The following CNEP1R1 variants were observed in gnomAD, a reference collection of about 807,000 sequenced individuals.
The protein encoded by CNEP1R1 is nuclear envelope phosphatase-regulatory subunit 1.
CNEP1R1 carries 10 observed loss-of-function variants against 22.7 expected under a neutral mutation model. The ratio of observed to expected loss-of-function variants is 0.44; its 90% CI spans 0.27 to 0.75. The LOEUF (loss-of-function observed/expected upper bound fraction) is 0.75. CNEP1R1 is among the 30% of genes least tolerant of loss of function. CNEP1R1 has a pLI of 0.17. For missense variants in CNEP1R1, 73 were observed against 151.5 expected (o/e 0.48, Z 2.72); for synonymous variants, 53 against 50.1 (o/e 1.06, Z -0.25).
intron 3 of CNEP1R1, among the ~76,000 whole-genome samples, chr16:50,030,670 C>A (rs2036223857): frequency 6.6e-6 from 1 of 152,218 alleles, no homozygotes; most frequent in African/African-American, 2.4e-5. Context: ...TGTTTCCCAA[C>A]ACACTTGCCA....
rs145758655 is a variant in CNEP1R1 at position 50,025,740 on chromosome 16, C to T, written c.25+400C>T. 1.3e-4 allele frequency: 196 copies of T among 1,566,868 alleles called. No individual in the cohort carries two copies. In the African/African-American group the frequency reaches 2.5e-3, roughly 20 times the overall value. ...GCTCGGTGTTTTAAAGTTTAAAGCA[C>T]ACCACTGCGGAAAGGATACCCCACC... On this transcript the variant is annotated intron_variant, in intron 1 of 5. Coordinates refer to ENST00000427478, the MANE Select transcript of CNEP1R1 (RefSeq NM_001281789.2).
intron 1 of CNEP1R1, chr16:50,025,855 G>C: frequency 1.6e-6 from 1 of 631,762 alleles, no homozygotes; most frequent in Admixed American, 2.8e-5. Flanking sequence ...TTCGGAGGGG[G>C]CAAGGGGAAT....
At chr16:50,030,360 G>A (rs2036221161) in intron 3 of CNEP1R1, among the ~76,000 whole-genome samples, 1 of 152,160 alleles carries the variant, frequency 6.6e-6, no homozygotes, top group Admixed American at 6.5e-5. Context: ...CTTGAGCTCA[G>A]GAGATCGAGG....
intron 3 of CNEP1R1, among the ~76,000 whole-genome samples, chr16:50,031,995 C>T (rs1004458636): frequency 2.6e-5 from 4 of 152,198 alleles, no homozygotes; most frequent in Admixed American, 2.0e-4. Context: ...TTGAAGAAGA[C>T]GTTCTTCTGG....
rs578075379 is a variant in CNEP1R1 at position 50,028,525 on chromosome 16, C to G, written c.98-1200C>G. On this transcript the variant is annotated intron_variant, in intron 2 of 5. Transcript: ENST00000427478. ...ACAGGTAATGATTTTCCTAGGTTCT[C>G]TGGTTTACCTAGGAATTATCCCCAA... is the stretch of plus-strand genomic sequence containing the variant. Among the ~76,000 whole-genome samples, 572 of 152,258 alleles carry G rather than the reference C, an allele frequency of 3.8e-3. 3 individuals are homozygous for G. The highest frequency in any genetic ancestry group is 0.013 in the African/African-American group (545 of 41,538).
rs565589295 is a variant in CNEP1R1, at chr16:50,026,310, TGTC to T, written c.26-82_26-80del. Reference sequence around the variant, plus strand: ...CTGAAGCAGTTAAGAGTATCTCACATGTCGTCTTAATGTTAGGTAAATACTCTG... The same window carrying T: ...CTGAAGCAGTTAAGAGTATCTCACATGTCTTAATGTTAGGTAAATACTCTG... On this transcript the variant is annotated intron_variant, in intron 1 of 5. Coordinates refer to ENST00000427478, the MANE Select transcript of CNEP1R1 (RefSeq NM_001281789.2). The T allele has an allele frequency of 4.4e-4, 394 of 889,338 alleles. 4 individuals are homozygous for T. The South Asian group carries it at 5.5e-3, about 12-fold the overall frequency. 55.1% of individuals were successfully genotyped at this position (889,338 alleles called of 1,614,324 possible).
In CNEP1R1 at chr16:50,025,443, A is replaced by T. The variant is rs1567409357; in HGVS notation, c.25+103A>T. On this transcript the variant is annotated intron_variant, in intron 1 of 5. Coordinates refer to ENST00000427478, the MANE Select transcript of CNEP1R1 (RefSeq NM_001281789.2). ...GACCCCCGCCCCGGGAGGAGGCCGC[A>T]GAGGATGGAGCTAGGGGCCCGGAGC... is the stretch of plus-strand genomic sequence containing the variant. The T allele has an allele frequency of 2.4e-6, 3 of 1,268,020 alleles. No individual in the cohort carries two copies. The Admixed American group carries it at 8.9e-5, about 38-fold the overall frequency. The allele number at this position is 1,268,020 out of a possible 1,614,324, so 78.5% of individuals were successfully genotyped here. A position where few individuals can be genotyped will look rare whatever the true frequency, so the allele number is the denominator to read the frequency against.
At position 50,036,221 on chromosome 16, in the gene CNEP1R1, C is replaced by G. The variant is rs902409398; in HGVS notation, c.*763C>G. On this transcript the variant is annotated 3_prime_UTR_variant, in exon 6 of 6. Coordinates refer to ENST00000427478, the MANE Select transcript of CNEP1R1 (RefSeq NM_001281789.2). ...TGGCACGATCTTGGCTTTCTGCAAC[C>G]TCTGCCTCCCAGGTTCAAGCGATTC... 3.3e-5 allele frequency: 5 copies of G among 151,096 alleles called. No homozygotes were observed. Among genetic ancestry groups the G allele is most frequent in the African/African-American group, 1.2e-4 (5 of 40,918 alleles). The allele number at this position is 151,096 out of a possible 1,614,324, so 9.4% of individuals were successfully genotyped here.
In CNEP1R1 at chr16:50,035,679, A is replaced by G. The variant is rs1365675507; in HGVS notation, c.*221A>G. 6.1e-6 allele frequency: 3 copies of G among 488,964 alleles called. No individual in the cohort carries two copies. Among genetic ancestry groups the G allele is most frequent in the African/African-American group, 5.9e-5 (3 of 50,524 alleles). The allele number at this position is 488,964 out of a possible 1,614,324, so 30.3% of individuals were successfully genotyped here. On this transcript the variant is annotated 3_prime_UTR_variant, in exon 6 of 6. Transcript: ENST00000427478. The stretch of plus-strand genomic sequence containing the variant: ...TGTGTTTCAGTATTAGTGTCACTTT[A>G]GTACTTCAGATCCTGCAAATATTTT...
intron 2 of CNEP1R1, among the ~76,000 whole-genome samples, chr16:50,029,184 T>C (rs1223664915): frequency 6.6e-6 from 1 of 152,186 alleles, no homozygotes; most frequent in Non-Finnish European, 1.5e-5. Flanking sequence ...CTGGCAGTAA[T>C]TTCTACCCTA....
In CNEP1R1 at chr16:50,025,400, A is replaced by G. The variant is rs1003817589; in HGVS notation, c.25+60A>G. 255 of 1,414,208 alleles carry G rather than the reference A, an allele frequency of 1.8e-4. 4 individuals carry two copies. The East Asian group carries it at 6.6e-3, about 36-fold the overall frequency. 87.6% of individuals were successfully genotyped at this position (1,414,208 alleles called of 1,614,324 possible). A position where few individuals can be genotyped will look rare whatever the true frequency, so the allele number is the denominator to read the frequency against. ...CCCTCGGAAGCTGGCGGTGCTCCGG[A>G]GGAGCCGGCGTCGTGAAGACCCCCG... On this transcript the variant is annotated intron_variant, in intron 1 of 5. Transcript: ENST00000427478.
At chr16:50,030,072 AT>A (rs1479866090) in intron 3 of CNEP1R1, among the ~76,000 whole-genome samples, 8 of 152,000 alleles carry the variant, frequency 5.3e-5, no homozygotes, top group South Asian at 4.2e-4. Flanking sequence ...TCATTTTTAC[AT>A]TTTTTTTATA....
chr16:50,030,783 G>T (rs192682775), intron 3 of CNEP1R1, among the ~76,000 whole-genome samples: 2 of 152,198 alleles, frequency 1.3e-5, no homozygotes, highest in East Asian at 3.9e-4. Flanking sequence ...CAATTCCTTG[G>T]GCTAGCAAAG....
At position 50,035,401 on chromosome 16, in the gene CNEP1R1, C is replaced by CT. The variant is rs570087741; in HGVS notation, c.337-12dup. ...GAACTGTGTATTGAAAAAATTCTGT[C>CT]TTTTCATTTTTGCAGACAGGAAAAC... is the stretch of plus-strand genomic sequence containing the variant. On this transcript the variant is annotated splice_polypyrimidine_tract_variant and intron_variant, in intron 5 of 5. Coordinates refer to ENST00000427478, the MANE Select transcript of CNEP1R1 (RefSeq NM_001281789.2). The CT allele has an allele frequency of 2.8e-3, 4,194 of 1,498,684 alleles. 11 individuals are homozygous for CT. The highest frequency in any genetic ancestry group is 3.5e-3 in the Non-Finnish European group (3,812 of 1,091,284). 92.8% of individuals were successfully genotyped at this position (1,498,684 alleles called of 1,614,324 possible).
At chr16:50,025,479 G>C in intron 1 of CNEP1R1, 139 bp downstream of exon 1, 5 of 1,124,954 alleles carry the variant, frequency 4.4e-6, no homozygotes, top group Non-Finnish European at 6.2e-6. Context: ...TTGGGGGCGC[G>C]TAGGCGGCCG....
chr16:50,034,162 TA>T lies in CNEP1R1; in HGVS notation c.336+7del. On this transcript the variant is annotated splice_region_variant and intron_variant, in intron 5 of 5. Coordinates refer to ENST00000427478, the MANE Select transcript of CNEP1R1 (RefSeq NM_001281789.2). Reference sequence around the variant, plus strand: ...ACAATATGTCTTGTGATGATGTAAGTATTTTTTTGGTTAGAAAATTATAGAC... The same window carrying T: ...ACAATATGTCTTGTGATGATGTAAGTTTTTTTTGGTTAGAAAATTATAGAC... 6.4e-7 allele frequency: 1 copy of T among 1,569,804 alleles called. No individual in the cohort carries two copies. The highest frequency in any genetic ancestry group is 2.3e-5 in the East Asian group (1 of 43,538).
At chr16:50,026,314 G>T in intron 1 of CNEP1R1, 82 bp from the exon 2 acceptor site, 1 of 936,856 alleles carries the variant, frequency 1.1e-6, no homozygotes. Flanking sequence ...CTCACATGTC[G>T]TCTTAATGTT....
chr16:50,027,707 A>G (rs1241066017), intron 2 of CNEP1R1, among the ~76,000 whole-genome samples: 1 of 151,844 alleles, frequency 6.6e-6, no homozygotes, highest in South Asian at 2.1e-4. Flanking sequence ...AAGTCATGTT[A>G]TTTAATGTAT....
At chr16:50,030,871 C>T (rs1331320865) in intron 3 of CNEP1R1, among the ~76,000 whole-genome samples, 1 of 152,222 alleles carries the variant, frequency 6.6e-6, no homozygotes, top group Non-Finnish European at 1.5e-5. Flanking sequence ...AGGGATCTCC[C>T]ACTGGGCACT....
Sources: allele counts gnomAD v4.1 joint callset (sites outside exome capture counted in the v4.1 genomes callset), GRCh38; gene constraint gnomAD v4.1.1; transcripts MANE v1.5; gene names NCBI Gene and HGNC (gene_info 2026-07-23, HGNC 2026-07-21).